KAT2A: variants seen among roughly 807,000 people sequenced by gnomAD.
KAT2A encodes histone acetyltransferase KAT2A.
In KAT2A, 42 loss-of-function variants were observed where a neutral mutation model predicts 95.2. That is an observed-to-expected ratio of 0.44 (90% CI 0.34 to 0.57). KAT2A has a LOEUF of 0.57. Ranked by LOEUF, KAT2A falls within the 20% of genes least tolerant of loss-of-function variation. The probability of loss-of-function intolerance (pLI) is 0.01; values close to 1 mark genes in which losing one functional copy is unlikely to be tolerated. For synonymous variants in KAT2A, 449 were observed against 448.2 expected (o/e 1.00, Z -0.02); for missense variants, 784 against 1,126.3 (o/e 0.70, Z 4.35).
chr17:42,115,997 T>C (rs1191675331), intron 11 of KAT2A, among the ~76,000 whole-genome samples, 164 bp from the exon 12 acceptor site: 1 of 152,142 alleles, frequency 6.6e-6, no homozygotes, highest in Non-Finnish European at 1.5e-5. Flanking sequence ...GGGGAGCTTA[T>C]GGGGAGAAAG....
rs1316066022 is a variant in KAT2A, at chr17:42,113,582, C to G, written c.*67G>C. 7.4e-6 allele frequency: 11 copies of G among 1,484,950 alleles called. No individual in the cohort carries two copies. Among genetic ancestry groups the G allele is most frequent in the Non-Finnish European group, 9.1e-6 (10 of 1,094,826 alleles). 92.0% of individuals were successfully genotyped at this position (1,484,950 alleles called of 1,614,324 possible). On this transcript the variant is annotated 3_prime_UTR_variant, in exon 18 of 18. Coordinates refer to ENST00000225916, the MANE Select transcript of KAT2A (RefSeq NM_021078.3). ...GTCGGGTCCGTGGGGCCAGGGCACC[C>G]CCTAAGGATCAGATCAGAATCCGAG...
rs1021030472 is a variant in KAT2A at position 42,119,130 on chromosome 17, A to G, written c.1073+115T>C. 2.0e-6 allele frequency: 3 copies of G among 1,504,252 alleles called. No homozygotes were observed. Among genetic ancestry groups the G allele is most frequent in the Non-Finnish European group, 2.7e-6 (3 of 1,127,920 alleles). The allele number at this position is 1,504,252 out of a possible 1,614,324, so 93.2% of individuals were successfully genotyped here. On this transcript the variant is annotated intron_variant, in intron 6 of 17. Transcript: ENST00000225916. This position sits in a 1 kb window ranked among gnomAD's most constrained non-coding sequence, Gnocchi z 5.3. Reference sequence around the variant, plus strand: ...CTGCCAGGTAGACGCCCAGATCCCAAAAGGCCCATGGAGGGAGAGGAGGGA... The same window carrying G: ...CTGCCAGGTAGACGCCCAGATCCCAGAAGGCCCATGGAGGGAGAGGAGGGA...
chr17:42,113,719 C>A lies in KAT2A; in HGVS notation c.2444G>T (p.Cys815Phe). The A allele has an allele frequency of 1.9e-6, 3 of 1,611,710 alleles. No individual in the cohort carries two copies. Among genetic ancestry groups the A allele is most frequent in the Non-Finnish European group, 2.5e-6 (3 of 1,179,250 alleles). The part of the protein sequence containing the change: ...REYNPPDSEY[C>F]RCASALEKFF... ...CTTCTCCAGGGCGCTGGCACAGCGG[C>A]AGTACTCGCTGTCCGGGGGGTTGTA... Residue 815 changes from cysteine (C) to phenylalanine (F), a missense_variant, in exon 18 of 18, where the codon TGC (cysteine) becomes TTC (phenylalanine). By Grantham distance (205) the Cys-to-Phe change is radical. Coordinates refer to ENST00000225916, the MANE Select transcript of KAT2A (RefSeq NM_021078.3).
chr17:42,120,961 C>T lies in KAT2A; in HGVS notation c.339+5G>A, dbSNP rs1001558565. The T allele has an allele frequency of 1.9e-6, 3 of 1,572,978 alleles. No homozygotes were observed. Among genetic ancestry groups the T allele is most frequent in the Non-Finnish European group, 2.6e-6 (3 of 1,160,194 alleles). On this transcript the variant is annotated splice_donor_5th_base_variant and intron_variant, in intron 1 of 17. Transcript: ENST00000225916. Reference sequence around the variant, plus strand: ...CCGCCCCTTCACCCCAGGCCCCGCCCCCACCTTGCAAGCCGAGAAGACCCC... The same window carrying T: ...CCGCCCCTTCACCCCAGGCCCCGCCTCCACCTTGCAAGCCGAGAAGACCCC...
rs782136849 is a variant in KAT2A at position 42,115,049 on chromosome 17, G to T, written c.1876-14C>A. The T allele has an allele frequency of 1.2e-6, 2 of 1,612,722 alleles. No homozygotes were observed. Among genetic ancestry groups the T allele is most frequent in the South Asian group, 2.2e-5 (2 of 91,028 alleles). On this transcript the variant is annotated splice_polypyrimidine_tract_variant and intron_variant, in intron 12 of 17. Transcript: ENST00000225916. ...CTTGGAGAAACCCTGGGGGGTGGAT[G>T]GTCATGACCCAGTCCATCCATAAGT... is the stretch of plus-strand genomic sequence containing the variant.
intron 1 of KAT2A, 40 bp from the exon 2 acceptor site, chr17:42,120,869 G>A: frequency 6.3e-7 from 1 of 1,584,430 alleles, no homozygotes; most frequent in Non-Finnish European, 8.6e-7. Flanking sequence ...ATACCTCTGG[G>A]GCAAGAGCCG....
Position 42,113,306 on chromosome 17 carries a change from A to C in KAT2A, c.*343T>G. 2 of 226,648 alleles carry C rather than the reference A, an allele frequency of 8.8e-6. No homozygotes were observed. The highest frequency in any genetic ancestry group is 8.7e-6 in the Non-Finnish European group (1 of 115,408). The allele number at this position is 226,648 out of a possible 1,614,324, so 14.0% of individuals were successfully genotyped here. On this transcript the variant is annotated 3_prime_UTR_variant, in exon 18 of 18. Transcript: ENST00000225916. ...AATGAGCAGTTCTGGTCCTCAGGGA[A>C]ACAGCCACCTGGGCCAGGCCCAGGA...
chr17:42,118,343 G>A lies in KAT2A; in HGVS notation c.1134C>T (p.Gly378=). The part of the protein sequence containing the change: ...YGANSPIWES[G]FTMPPSEGTQ... ...TCCCCTCTGAGGGTGGCATGGTGAA[G>A]CCTGACTCCCAGATTGGAGAGTTTG... The change falls in exon 7 of 18, where the codon GGC becomes GGT. Residue 378 remains glycine (G), a synonymous_variant. Transcript: ENST00000225916. 1 of 1,614,032 alleles carries A rather than the reference G, an allele frequency of 6.2e-7. No homozygotes were observed. The highest frequency in any genetic ancestry group is 1.6e-4 in the Middle Eastern group (1 of 6,062).
In KAT2A at chr17:42,119,920, C is replaced by A; in HGVS notation, c.699+110G>T. ...GTTAGCACAAAACACCCTTCCTTCT[C>A]TGAACCTCCCCAGTGTTCTCAGCTT... On this transcript the variant is annotated intron_variant, in intron 4 of 17. Coordinates refer to ENST00000225916, the MANE Select transcript of KAT2A (RefSeq NM_021078.3). This position sits in a 1 kb window ranked among gnomAD's most constrained non-coding sequence, Gnocchi z 5.3. 8.7e-7 allele frequency: 1 copy of A among 1,146,748 alleles called. No individual in the cohort carries two copies. Among genetic ancestry groups the A allele is most frequent in the South Asian group, 1.3e-5 (1 of 75,990 alleles). The allele number at this position is 1,146,748 out of a possible 1,614,324, so 71.0% of individuals were successfully genotyped here. A position where few individuals can be genotyped will look rare whatever the true frequency, so the allele number is the denominator to read the frequency against.
chr17:42,117,227 T>C lies in KAT2A; in HGVS notation c.1638-66A>G. ...CTTCAGGTCCCCAGAGCCCTGGAAG[T>C]CTGAGCTGTAGTCAGGGTTGGGCAG... is the stretch of plus-strand genomic sequence containing the variant. On this transcript the variant is annotated intron_variant, in intron 10 of 17. Transcript: ENST00000225916. The surrounding 1 kb of genome is among the most constrained non-coding windows in gnomAD (Gnocchi z 8.9). The C allele has an allele frequency of 6.2e-7, 1 of 1,601,438 alleles. No homozygotes were observed. Among genetic ancestry groups the C allele is most frequent in the Non-Finnish European group, 8.5e-7 (1 of 1,172,488 alleles).
Position 42,120,791 on chromosome 17 carries a change from G to C in KAT2A, c.378C>G (p.Pro126=). The C allele has an allele frequency of 6.2e-7, 1 of 1,613,754 alleles. No individual in the cohort carries two copies. Among genetic ancestry groups the C allele is most frequent in the South Asian group, 1.1e-5 (1 of 91,034 alleles). ...ETCKCNGWKN[P]KPPTAPRMDL... is the part of the protein sequence containing the mutation. ...CCATGCGGGGTGCAGTGGGGGGCTT[G>C]GGGTTTTTCCAGCCATTACACTTAC... Residue 126 remains proline (P), a synonymous_variant, in exon 2 of 18, where the codon CCC becomes CCG. Transcript: ENST00000225916.
In KAT2A at chr17:42,119,421, G is replaced by A; in HGVS notation, c.897C>T (p.Cys299=). ...KVNYTRWLCY[C]HVPQSCDSLP... is the part of the protein sequence containing the mutation. ...GGCTATCACAGCTCTGGGGCACGTG[G>A]CAGTAACAGAGCCATCTGGAGTAGG... Residue 299 remains cysteine (C), a synonymous_variant, in exon 6 of 18, where the codon TGC becomes TGT. Coordinates refer to ENST00000225916, the MANE Select transcript of KAT2A (RefSeq NM_021078.3). The surrounding 1 kb of genome is among the most constrained non-coding windows in gnomAD (Gnocchi z 5.3). 6 of 1,612,306 alleles carry A rather than the reference G, an allele frequency of 3.7e-6. No homozygotes were observed. Among genetic ancestry groups the A allele is most frequent in the Non-Finnish European group, 5.1e-6 (6 of 1,178,640 alleles).
chr17:42,119,538 T>A lies in KAT2A; in HGVS notation c.880A>T (p.Arg294Ter). Residue 294 changes from arginine to a stop codon, truncating the protein, a stop_gained and splice_region_variant, in exon 5 of 18, where the codon AGA becomes TGA. Coordinates refer to ENST00000225916, the MANE Select transcript of KAT2A (RefSeq NM_021078.3). LOFTEE classifies it high-confidence loss of function. The surrounding 1 kb of genome is among the most constrained non-coding windows in gnomAD (Gnocchi z 5.3). ...GAAGCTGCCCCTGGCTGGGCCTACC[T>A]GGTGTAATTGACCTTGTAGGTAGCC... ...DVATYKVNYTRWLCYCHVPQS... is the reference protein window; with the variant it reads ...DVATYKVNYT The A allele has an allele frequency of 1.9e-6, 3 of 1,592,104 alleles. No individual in the cohort carries two copies. The highest frequency in any genetic ancestry group is 2.6e-6 in the Non-Finnish European group (3 of 1,167,180).
In KAT2A at chr17:42,121,189, A is replaced by C; in HGVS notation, c.116T>G (p.Ile39Ser). 1 of 1,369,880 alleles carries C rather than the reference A, an allele frequency of 7.3e-7. No homozygotes were observed. Among genetic ancestry groups the C allele is most frequent in the Non-Finnish European group, 9.7e-7 (1 of 1,030,828 alleles). 84.9% of individuals were successfully genotyped at this position (1,369,880 alleles called of 1,614,324 possible). ...GGCTGGTGCCGGGGTGGGAGTCGGA[A>C]TCGGGGCTGAAGCCGGGCTGGGTGC... is the stretch of plus-strand genomic sequence containing the variant. Reference protein sequence around the residue: ...TPAPSPASAPIPTPTPAPAPA... With the variant: ...TPAPSPASAPSPTPTPAPAPA... The change falls in exon 1 of 18, where the codon ATT becomes AGT. Residue 39 changes from isoleucine (I) to serine (S), a missense_variant. Physicochemically the swap from Ile to Ser is moderately radical, Grantham distance 142 (BLOSUM62 -2). Coordinates refer to ENST00000225916, the MANE Select transcript of KAT2A (RefSeq NM_021078.3).
intron 11 of KAT2A, 55 bp downstream of exon 11, chr17:42,116,980 C>A (rs2054267500): frequency 6.2e-7 from 1 of 1,605,492 alleles, no homozygotes; most frequent in Admixed American, 1.7e-5. Flanking sequence ...TCCGAACTGG[C>A]CCAAACTCAG....
At position 42,121,271 on chromosome 17, in the gene KAT2A, G is replaced by A. The variant is rs2054335971; in HGVS notation, c.34C>T (p.Pro12Ser). The part of the protein sequence containing the change: ...AEPSQAPTPA[P>S]AAQPRPLQSP... ...TGAAGGGGCCGGGGCTGCGCAGCCG[G>A]GGCCGGGGTCGGGGCCTGGGAAGGT... The change falls in exon 1 of 18, where the codon CCG becomes TCG. Residue 12 changes from proline to serine, a missense_variant. Pro to Ser is a moderately conservative substitution (Grantham distance 74). This residue lies in a region of KAT2A where 142 missense variants were observed against 123.2 expected (regional missense o/e 1.15). Transcript: ENST00000225916. The A allele has an allele frequency of 5.1e-6, 7 of 1,371,650 alleles. No homozygotes were observed. The highest frequency in any genetic ancestry group is 6.6e-6 in the Non-Finnish European group (7 of 1,066,844). The allele number at this position is 1,371,650 out of a possible 1,614,324, so 85.0% of individuals were successfully genotyped here.
intron 12 of KAT2A, among the ~76,000 whole-genome samples, chr17:42,115,450 C>T (rs1248597478): frequency 2.1e-5 from 3 of 142,048 alleles, no homozygotes; most frequent in South Asian, 2.4e-4. Context: ...GTGCCCCCCC[C>T]AGTTCCTCCG....
intron 12 of KAT2A, 122 bp downstream of exon 12, chr17:42,115,601 C>A: frequency 1.4e-6 from 1 of 707,326 alleles, no homozygotes; most frequent in Non-Finnish European, 2.6e-6. Flanking sequence ...TGGAGACTCT[C>A]CTGGCAGGTG....
Position 42,119,997 on chromosome 17 carries a change from TCCTATCCGCTATCTCCAATTCC to T in KAT2A, c.699+11_699+32del, listed in dbSNP as rs1228104402. The T allele has an allele frequency of 6.4e-7, 1 of 1,565,066 alleles. No homozygotes were observed. The highest frequency in any genetic ancestry group is 8.8e-7 in the Non-Finnish European group (1 of 1,136,568). ...CACTCCTCCAAGCTGTCCCCAATTC[TCCTATCCGCTATCTCCAATTCC>T]CCTATCTCACCTGCTCAATATTAGG... On this transcript the variant is annotated intron_variant, in intron 4 of 17. Coordinates refer to ENST00000225916, the MANE Select transcript of KAT2A (RefSeq NM_021078.3). This position sits in a 1 kb window ranked among gnomAD's most constrained non-coding sequence, Gnocchi z 5.3.
Sources: allele counts gnomAD v4.1 joint callset (sites outside exome capture counted in the v4.1 genomes callset), GRCh38; gene constraint gnomAD v4.1.1; regional missense constraint gnomAD v4.1.1; non-coding constraint Gnocchi (gnomAD v3.1); transcripts MANE v1.5; gene names NCBI Gene and HGNC (gene_info 2026-07-23, HGNC 2026-07-21).